Variants in CFAP299 observed in about 807,000 individuals in gnomAD.
The protein encoded by CFAP299 is cilia and flagella associated protein 299, also known as cilia- and flagella-associated protein 299.
CFAP299 carries 21 observed loss-of-function variants against 27.0 expected under a neutral mutation model. The ratio of observed to expected loss-of-function variants is 0.78; its 90% CI spans 0.55 to 1.12. The LOEUF (loss-of-function observed/expected upper bound fraction) is 1.12. Among genes scored for constraint, CFAP299 ranks in the 50% most tolerant of loss-of-function variants. The pLI, the probability that CFAP299 is intolerant of heterozygous loss-of-function variation, is 0.00. For missense variants in CFAP299, 310 were observed against 276.6 expected, an observed-to-expected ratio of 1.12 and a Z score of -0.86; for synonymous variants, 104 against 98.1, an observed-to-expected ratio of 1.06 and a Z score of -0.36.
chr4:80,715,531 T>C (rs1722428280), intron 3 of CFAP299, among the ~76,000 whole-genome samples: 1 of 152,018 alleles, frequency 6.6e-6, no homozygotes, highest in African/African-American at 2.4e-5. Flanking sequence ...TTGTCATAAA[T>C]ATTGCACTTC....
chr4:80,729,839 G>A (rs1157334681), intron 3 of CFAP299, among the ~76,000 whole-genome samples: 6 of 151,946 alleles, frequency 3.9e-5, no homozygotes, highest in African/African-American at 7.2e-5. Flanking sequence ...TCCTGACCTC[G>A]TGATCTGCCC....
chr4:80,346,638 C>T (rs1005554862), intron 1 of CFAP299, among the ~76,000 whole-genome samples: 7 of 151,944 alleles, frequency 4.6e-5, no homozygotes, highest in Non-Finnish European at 8.8e-5. Flanking sequence ...GTCTATATCT[C>T]TGTTTTGGTA....
chr4:80,618,780 C>A (rs961215611), intron 3 of CFAP299, among the ~76,000 whole-genome samples: 1 of 151,758 alleles, frequency 6.6e-6, no homozygotes, highest in South Asian at 2.1e-4. Flanking sequence ...GATAAGTTGG[C>A]TAATAACAAG....
intron 2 of CFAP299, among the ~76,000 whole-genome samples, chr4:80,384,469 T>A (rs1187151292): frequency 2.0e-5 from 3 of 152,224 alleles, no homozygotes; most frequent in Admixed American, 6.5e-5. Flanking sequence ...AATGAAACTG[T>A]CAAGTTATAC....
At chr4:80,325,444 C>T in the CFAP299 span, among the ~76,000 whole-genome samples, 1 of 152,056 alleles carries the variant, frequency 6.6e-6, no homozygotes, top group Non-Finnish European at 1.5e-5. Flanking sequence ...CTAGAATTAC[C>T]CTTAGTTGTG....
At chr4:80,956,573 C>G (rs529987195) in intron 5 of CFAP299, among the ~76,000 whole-genome samples, 2 of 152,212 alleles carry the variant, frequency 1.3e-5, no homozygotes, top group African/African-American at 2.4e-5. Flanking sequence ...CCCTCTCTAG[C>G]CTCTGGCGTA....
intron 4 of CFAP299, among the ~76,000 whole-genome samples, chr4:80,903,822 C>G (rs573914260): frequency 2.6e-4 from 39 of 152,140 alleles, no homozygotes; most frequent in African/African-American, 8.7e-4. Context: ...TAATGTAACA[C>G]ATAGTCTCTC....
chr4:80,931,025 C>T (rs1197528415), intron 4 of CFAP299, among the ~76,000 whole-genome samples: 2 of 152,036 alleles, frequency 1.3e-5, no homozygotes, highest in South Asian at 2.1e-4. Flanking sequence ...CCCTATTAAG[C>T]AGTGGAATCA....
chr4:80,823,675 C>T (rs1729827489), intron 3 of CFAP299, among the ~76,000 whole-genome samples: 3 of 152,138 alleles, frequency 2.0e-5, no homozygotes, highest in Admixed American at 1.3e-4. Flanking sequence ...CTTATGCTGA[C>T]TGAATATCTA....
At chr4:80,735,076 T>A (rs1339267589) in intron 3 of CFAP299, among the ~76,000 whole-genome samples, 1 of 152,186 alleles carries the variant, frequency 6.6e-6, no homozygotes, top group Non-Finnish European at 1.5e-5. Context: ...ATCCTTCCTA[T>A]CCATGAACTG....
intron 3 of CFAP299, among the ~76,000 whole-genome samples, chr4:80,763,399 G>A (rs1420803377): frequency 6.6e-6 from 1 of 152,074 alleles, no homozygotes; most frequent in African/African-American, 2.4e-5. Flanking sequence ...ACTTAAAAGG[G>A]ACGTGAAGGA....
chr4:80,432,533 A>ATTTT (rs58017511), intron 2 of CFAP299, among the ~76,000 whole-genome samples: 29 of 120,962 alleles, frequency 2.4e-4, no homozygotes, highest in Non-Finnish European at 3.9e-4. Context: ...TTTACACTCT[A>ATTTT]TTTTTTTTTT....
intron 4 of CFAP299, among the ~76,000 whole-genome samples, chr4:80,902,611 A>ACACACG (rs1734984777): frequency 6.7e-6 from 1 of 149,300 alleles, no homozygotes; most frequent in Non-Finnish European, 1.5e-5. Flanking sequence ...ACACACACAC[A>ACACACG]CACACACACA....
chr4:80,845,279 G>GT (rs200523960), intron 3 of CFAP299, among the ~76,000 whole-genome samples: 7,488 of 134,500 alleles, frequency 0.056, 315 homozygotes, highest in African/African-American at 0.13. Context: ...GTCCCACACT[G>GT]TTTTTTTTTT....
chr4:80,687,321 T>G (rs914987467), intron 3 of CFAP299, among the ~76,000 whole-genome samples: 3 of 152,210 alleles, frequency 2.0e-5, no homozygotes, highest in African/African-American at 7.2e-5. Flanking sequence ...TTGAAGTTTT[T>G]TTTTATAGTA....
intron 2 of CFAP299, among the ~76,000 whole-genome samples, chr4:80,398,125 T>C (rs951647723): frequency 1.2e-4 from 18 of 152,102 alleles, no homozygotes; most frequent in Non-Finnish European, 5.9e-5. Context: ...GAATCCAACT[T>C]ACAAGGCATG....
chr4:80,855,473 G>T (rs1335343351), intron 3 of CFAP299, among the ~76,000 whole-genome samples: 1 of 151,966 alleles, frequency 6.6e-6, no homozygotes, highest in Non-Finnish European at 1.5e-5. Context: ...AGTTACATAT[G>T]TATACATGTG....
intron 4 of CFAP299, among the ~76,000 whole-genome samples, chr4:80,915,177 T>A (rs1735681978): frequency 6.6e-6 from 1 of 152,002 alleles, no homozygotes; most frequent in Admixed American, 6.6e-5. Context: ...TATATAAAAG[T>A]TTTTAAATTT....
Position 80,704,148 on chromosome 4 carries a change from T to A in CFAP299, c.333+120965T>A, listed in dbSNP as rs1011159780. Among the ~76,000 whole-genome samples the A allele has an allele frequency of 6.0e-5, 9 of 150,924 alleles. No individual in the cohort carries two copies. The South Asian group carries it at 1.5e-3, about 25-fold the overall frequency. On this transcript the variant is annotated intron_variant, in intron 3 of 5. Coordinates refer to ENST00000358105, the MANE Select transcript of CFAP299 (RefSeq NM_152770.3). ...AGGCAGCAATACATGGAATCAAGAG[T>A]AAGAGTGGGTGTGTATTTAGAATCC...
Sources: allele counts gnomAD v4.1 joint callset (sites outside exome capture counted in the v4.1 genomes callset), GRCh38; gene constraint gnomAD v4.1.1; transcripts MANE v1.5; gene names NCBI Gene and HGNC (gene_info 2026-07-23, HGNC 2026-07-21).